CFAP52: variants seen among roughly 807,000 people sequenced by gnomAD.
The protein encoded by CFAP52 is cilia and flagella associated protein 52, also known as cilia- and flagella-associated protein 52.
In CFAP52, 57 loss-of-function variants were observed where a neutral mutation model predicts 70.5. That is an observed-to-expected ratio of 0.81 (90% confidence interval 0.65 to 1.01). CFAP52 has a LOEUF of 1.01. CFAP52 is among the 50% of genes least tolerant of loss of function. The pLI is 0.00. For synonymous variants in CFAP52, 267 were observed against 292.5 expected, an observed-to-expected ratio of 0.91 and a Z score of 0.89; for missense variants, 785 against 788.5, an observed-to-expected ratio of 1.00 and a Z score of 0.05.
rs192007953 is a variant in CFAP52, at chr17:9,632,754, T to C, written c.1175-134T>C. 2.6e-4 allele frequency: 340 copies of C among 1,289,976 alleles called. 2 individuals are homozygous for C. The East Asian group carries it at 7.1e-3, about 27-fold the overall frequency. 79.9% of individuals were successfully genotyped at this position (1,289,976 alleles called of 1,614,324 possible). ...GGAAAGGGGCCTATGGTGACCAGCA[T>C]TCAGCTGAGCTGGTCTCTTTCCTCC... On this transcript the variant is annotated intron_variant, in intron 9 of 13. Coordinates refer to ENST00000352665, the MANE Select transcript of CFAP52 (RefSeq NM_145054.5).
At chr17:9,583,596 AAT>A (rs1158814354) in intron 1 of CFAP52, among the ~76,000 whole-genome samples, 4 of 152,140 alleles carry the variant, frequency 2.6e-5, no homozygotes, top group South Asian at 2.1e-4. Flanking sequence ...CTGTTTTTAA[AAT>A]AGAGGTATTT....
chr17:9,622,016 T>A (rs1479902805), intron 8 of CFAP52, among the ~76,000 whole-genome samples: 9 of 152,118 alleles, frequency 5.9e-5, no homozygotes, highest in Middle Eastern at 3.2e-3. Flanking sequence ...AAAAAATAAA[T>A]AAATAAATAT....
rs528768347 is a variant in CFAP52 at position 9,591,076 on chromosome 17, T to G, written c.408-3117T>G. Among the ~76,000 whole-genome samples, 5 of 149,654 alleles carry G rather than the reference T, an allele frequency of 3.3e-5. No individual in the cohort carries two copies. In the South Asian group the frequency reaches 1.1e-3, roughly 33 times the overall value. ...TTTTGAGATGGAGTTTCACTCTTGT[T>G]TCCCAGGCTGGAGTGCAACGGCATG... On this transcript the variant is annotated intron_variant, in intron 3 of 13. Transcript: ENST00000352665.
chr17:9,642,990 C>T, intron 13 of CFAP52, 33 bp from the exon 14 acceptor site: 2 of 1,522,980 alleles, frequency 1.3e-6, no homozygotes, highest in East Asian at 2.4e-5. Flanking sequence ...TCTCCTATTG[C>T]AGCAATGCCA....
At chr17:9,600,231 G>A in intron 6 of CFAP52, 48 bp downstream of exon 6, 3 of 1,495,166 alleles carry the variant, frequency 2.0e-6, no homozygotes, top group Non-Finnish European at 1.9e-6. Flanking sequence ...TCCCTTCACT[G>A]GCAGCATGTA....
At chr17:9,607,011 C>T (rs955930062) in intron 6 of CFAP52, among the ~76,000 whole-genome samples, 6 of 152,180 alleles carry the variant, frequency 3.9e-5, no homozygotes, top group Admixed American at 2.0e-4. Flanking sequence ...TTCATTAAGA[C>T]ACAAACCTAT....
At chr17:9,602,420 C>T (rs1226056134) in intron 6 of CFAP52, among the ~76,000 whole-genome samples, 1 of 152,064 alleles carries the variant, frequency 6.6e-6, no homozygotes, top group Non-Finnish European at 1.5e-5. Flanking sequence ...TGATGGTTTC[C>T]AGCTTCATCC....
rs115677604 is a variant in CFAP52, at chr17:9,624,626, G to T, written c.1026-4046G>T. ...AATATTTTGAATGTATTTTAAAATA[G>T]CTGCTTTAAAGTTTTTGTCTGCTAA... On this transcript the variant is annotated intron_variant, in intron 8 of 13. Coordinates refer to ENST00000352665, the MANE Select transcript of CFAP52 (RefSeq NM_145054.5). Among the ~76,000 whole-genome samples the T allele has an allele frequency of 4.0e-3, 613 of 152,132 alleles. 4 individuals are homozygous for T. The highest frequency in any genetic ancestry group is 0.014 in the African/African-American group (595 of 41,488).
chr17:9,585,970 AAGGTGAATAC>A lies in CFAP52; in HGVS notation c.270+1_270+10del. 6.2e-7 allele frequency: 1 copy of A among 1,613,726 alleles called. No homozygotes were observed. Among genetic ancestry groups the A allele is most frequent in the Non-Finnish European group, 8.5e-7 (1 of 1,179,828 alleles). ...CGGACAAGTCACATTCATGGGGTTCAAGGTGAATACAGTGAAAACGACTCATTGTCAATTT... is the reference window on the plus strand; with the variant it reads ...CGGACAAGTCACATTCATGGGGTTCAAGTGAAAACGACTCATTGTCAATTT... On this transcript the variant is annotated splice_donor_variant and splice_donor_5th_base_variant and coding_sequence_variant and intron_variant, in exon 2 of 14. Transcript: ENST00000352665. LOFTEE classifies it high-confidence loss of function.
chr17:9,631,028 A>AAGAGAGAGAGAGAGAG (rs761523039), intron 9 of CFAP52, among the ~76,000 whole-genome samples: 25 of 44,686 alleles, frequency 5.6e-4, no homozygotes, highest in East Asian at 2.1e-3. Context: ...GAAAGAAAGA[A>AAGAGAGAGAGAGAGAG]AGAGAGAGAG....
At chr17:9,616,184 T>C (rs1909908878) in intron 8 of CFAP52, among the ~76,000 whole-genome samples, 1 of 151,230 alleles carries the variant, frequency 6.6e-6, no homozygotes, top group Non-Finnish European at 1.5e-5. Context: ...TTGCCTCACC[T>C]GGGAAGCGCA....
chr17:9,623,240 A>G (rs1490914260), intron 8 of CFAP52, among the ~76,000 whole-genome samples: 1 of 152,094 alleles, frequency 6.6e-6, no homozygotes, highest in African/African-American at 2.4e-5. Context: ...TATAATTTTA[A>G]TGTACTCATT....
intron 10 of CFAP52, among the ~76,000 whole-genome samples, chr17:9,633,722 G>A (rs1458563640): frequency 6.7e-6 from 1 of 149,868 alleles, no homozygotes; most frequent in Non-Finnish European, 1.5e-5. Flanking sequence ...TGTCACCCAG[G>A]CTGGACTGCA....
Position 9,576,710 on chromosome 17 carries a change from T to G in CFAP52, c.15T>G (p.Ile5Met), listed in dbSNP as rs1319481596. The G allele has an allele frequency of 6.2e-7, 1 of 1,611,854 alleles. No individual in the cohort carries two copies. Among genetic ancestry groups the G allele is most frequent in the Non-Finnish European group, 8.5e-7 (1 of 1,178,944 alleles). The change falls in exon 1 of 14, where the codon ATT becomes ATG. Residue 5 changes from isoleucine to methionine, a missense_variant. Coordinates refer to ENST00000352665, the MANE Select transcript of CFAP52 (RefSeq NM_145054.5). ...ACCTCCCAAGGATGGATAACAAAAT[T>G]TCGCCGGAGGCCCAAGTGGCGGAGC... MDNKISPEAQVAELE... is the reference protein window; with the variant it reads MDNKMSPEAQVAELE...
At chr17:9,634,782 A>G (rs1038024216) in intron 10 of CFAP52, among the ~76,000 whole-genome samples, 1 of 152,174 alleles carries the variant, frequency 6.6e-6, no homozygotes, top group African/African-American at 2.4e-5. Context: ...AAGGAATACC[A>G]TACTAACTAA....
Position 9,621,806 on chromosome 17 carries a change from A to G in CFAP52, c.1026-6866A>G, listed in dbSNP as rs1292713684. ...ACTCATAGGTGGGAATTGAACAATGAGATCACATGGACACAGGAAGGGGAA... is the reference window on the plus strand; with the variant it reads ...ACTCATAGGTGGGAATTGAACAATGGGATCACATGGACACAGGAAGGGGAA... On this transcript the variant is annotated intron_variant, in intron 8 of 13. Transcript: ENST00000352665. Among the ~76,000 whole-genome samples the G allele has an allele frequency of 3.0e-5, 4 of 133,510 alleles. No individual in the cohort carries two copies. In the East Asian group the frequency reaches 6.7e-4, roughly 22 times the overall value. 87.6% of individuals were successfully genotyped at this position (133,510 alleles called of 152,430 possible). A position where few individuals can be genotyped will look rare whatever the true frequency, so the allele number is the denominator to read the frequency against.
Position 9,626,087 on chromosome 17 carries a change from A to G in CFAP52, c.1026-2585A>G, listed in dbSNP as rs143000931. On this transcript the variant is annotated intron_variant, in intron 8 of 13. Coordinates refer to ENST00000352665, the MANE Select transcript of CFAP52 (RefSeq NM_145054.5). ...GAGCACATGGGCTTGGTACCTCATCATGATCCAATCAATTGGGTTCTTTCT... is the reference window on the plus strand; with the variant it reads ...GAGCACATGGGCTTGGTACCTCATCGTGATCCAATCAATTGGGTTCTTTCT... Among the ~76,000 whole-genome samples, 4 of 152,298 alleles carry G rather than the reference A, an allele frequency of 2.6e-5. No homozygotes were observed. In the East Asian group the frequency reaches 5.8e-4, roughly 22 times the overall value.
At chr17:9,595,182 T>A (rs544798497) in intron 4 of CFAP52, among the ~76,000 whole-genome samples, 2 of 152,294 alleles carry the variant, frequency 1.3e-5, no homozygotes, top group South Asian at 4.2e-4. Flanking sequence ...AATCCTTTTT[T>A]AATGTTATAT....
At chr17:9,588,364 C>T (rs114114423) in intron 3 of CFAP52, among the ~76,000 whole-genome samples, 1,747 of 152,194 alleles carry the variant, frequency 0.011, 36 homozygotes, top group African/African-American at 0.04. Flanking sequence ...ACAGCTCAGC[C>T]CGCTCGTGCC....
Sources: allele counts gnomAD v4.1 joint callset (sites outside exome capture counted in the v4.1 genomes callset), GRCh38; gene constraint gnomAD v4.1.1; transcripts MANE v1.5; gene names NCBI Gene and HGNC (gene_info 2026-07-23, HGNC 2026-07-21).